CSMD3: variants seen among roughly 807,000 people sequenced by gnomAD.
CSMD3 encodes CUB and Sushi multiple domains 3.
In CSMD3, 177 loss-of-function variants were observed where a neutral mutation model predicts 435.2. That is an observed-to-expected ratio of 0.41 (90% CI 0.36 to 0.46). The LOEUF (loss-of-function observed/expected upper bound fraction) is 0.46. Ranked by LOEUF, CSMD3 falls within the 20% of genes least tolerant of loss-of-function variation. The pLI is 0.34. For synonymous variants in CSMD3, 1,656 were observed against 1,520.5 expected, an observed-to-expected ratio of 1.09 and a Z score of -2.07; for missense variants, 4,265 against 4,504.6, an observed-to-expected ratio of 0.95 and a Z score of 1.52.
chr8:112,494,415 C>CTTTTCTTTTG (rs781043534), intron 30 of CSMD3, among the ~76,000 whole-genome samples: 1 of 149,448 alleles, frequency 6.7e-6, no homozygotes, highest in African/African-American at 2.5e-5. Context: ...CTTTTCTTTT[C>CTTTTCTTTTG]TTTCTTTCTC....
At chr8:112,335,495 A>T (rs768817651) in intron 44 of CSMD3, 21 bp from the exon 45 acceptor site, 2 of 1,611,646 alleles carry the variant, frequency 1.2e-6, no homozygotes, top group Non-Finnish European at 1.7e-6. Flanking sequence ...AGGATTGGGA[A>T]AGGAGGAGAG....
At chr8:113,345,853 G>A (rs1171867211) in intron 1 of CSMD3, among the ~76,000 whole-genome samples, 1 of 152,026 alleles carries the variant, frequency 6.6e-6, no homozygotes. Flanking sequence ...GCTGAACTGG[G>A]ATGGGAATTC....
intron 5 of CSMD3, among the ~76,000 whole-genome samples, chr8:113,076,606 T>C (rs978398797): frequency 6.6e-6 from 1 of 152,126 alleles, no homozygotes; most frequent in Admixed American, 6.5e-5. Context: ...TATCACATTA[T>C]ACATATTAGA....
chr8:113,075,416 T>A (rs1216732130), intron 5 of CSMD3, among the ~76,000 whole-genome samples: 1 of 151,902 alleles, frequency 6.6e-6, no homozygotes, highest in Non-Finnish European at 1.5e-5. Flanking sequence ...TTGGCCTTAA[T>A]TTTTTCATCT....
intron 5 of CSMD3, among the ~76,000 whole-genome samples, chr8:113,041,865 T>C (rs1400328111): frequency 6.6e-6 from 1 of 152,188 alleles, no homozygotes; most frequent in Non-Finnish European, 1.5e-5. Flanking sequence ...CAGTCTGAGA[T>C]ATATTTTGCT....
intron 6 of CSMD3, among the ~76,000 whole-genome samples, chr8:112,976,801 A>G (rs2084865173): frequency 6.6e-6 from 1 of 152,090 alleles, no homozygotes; most frequent in South Asian, 2.1e-4. Flanking sequence ...ATTTTAGTTT[A>G]ACCAATTCTG....
At chr8:113,281,624 T>C (rs2093613560) in intron 2 of CSMD3, among the ~76,000 whole-genome samples, 1 of 151,970 alleles carries the variant, frequency 6.6e-6, no homozygotes, top group African/African-American at 2.4e-5. Context: ...CAGTTATGTA[T>C]CTTTTAAGTG....
At chr8:113,004,228 A>T (rs1356967603) in intron 6 of CSMD3, among the ~76,000 whole-genome samples, 1 of 152,046 alleles carries the variant, frequency 6.6e-6, no homozygotes, top group African/African-American at 2.4e-5. Flanking sequence ...TGTCCCATTT[A>T]GATTCAGATT....
intron 10 of CSMD3, among the ~76,000 whole-genome samples, chr8:112,902,645 T>C (rs1472412979): frequency 6.6e-6 from 1 of 151,264 alleles, no homozygotes; most frequent in Non-Finnish European, 1.5e-5. Flanking sequence ...GCAGAATTCA[T>C]TCTTATATCT....
intron 30 of CSMD3, among the ~76,000 whole-genome samples, chr8:112,501,086 G>C (rs1215864851): frequency 6.6e-6 from 1 of 151,832 alleles, no homozygotes; most frequent in Non-Finnish European, 1.5e-5. Flanking sequence ...GAAACAGAGA[G>C]AGCTGTCCTC....
At chr8:113,266,508 T>C (rs2093472812) in intron 3 of CSMD3, among the ~76,000 whole-genome samples, 1 of 151,548 alleles carries the variant, frequency 6.6e-6, no homozygotes, top group South Asian at 2.1e-4. Context: ...AGTTCTCAAA[T>C]GTAAGACATT....
At chr8:113,059,060 T>C (rs2024268475) in intron 5 of CSMD3, among the ~76,000 whole-genome samples, 1 of 152,128 alleles carries the variant, frequency 6.6e-6, no homozygotes, top group Non-Finnish European at 1.5e-5. Flanking sequence ...CATTAATGTT[T>C]TATTATACAT....
At chr8:112,310,529 C>A in intron 50 of CSMD3, 1 of 223,310 alleles carries the variant, frequency 4.5e-6, no homozygotes, top group South Asian at 6.6e-5. Flanking sequence ...AAAAAATATC[C>A]AGGTGGTGGG....
chr8:113,068,684 A>G (rs190508403), intron 5 of CSMD3, among the ~76,000 whole-genome samples: 1 of 152,262 alleles, frequency 6.6e-6, no homozygotes, highest in East Asian at 1.9e-4. Context: ...AAAGCTCCCT[A>G]TTATACCTAA....
chr8:113,230,200 C>G (rs1293410699), intron 3 of CSMD3, among the ~76,000 whole-genome samples: 1 of 151,586 alleles, frequency 6.6e-6, no homozygotes, highest in Non-Finnish European at 1.5e-5. Flanking sequence ...TCTCAATTGC[C>G]AGATGTTTTA....
At chr8:113,363,573 T>C (rs576428897) in intron 1 of CSMD3, among the ~76,000 whole-genome samples, 2 of 152,272 alleles carry the variant, frequency 1.3e-5, no homozygotes, top group South Asian at 4.1e-4. Context: ...TTCTAGTTTC[T>C]GGTGGCTGCT....
At chr8:112,560,671 A>T (rs1312898771) in intron 24 of CSMD3, among the ~76,000 whole-genome samples, 1 of 151,770 alleles carries the variant, frequency 6.6e-6, no homozygotes, top group Non-Finnish European at 1.5e-5. Flanking sequence ...ATATATAATG[A>T]AATGCAATGA....
intron 6 of CSMD3, among the ~76,000 whole-genome samples, chr8:113,003,583 A>G (rs1323380235): frequency 6.6e-6 from 1 of 152,120 alleles, no homozygotes. Context: ...AGAAACCAAA[A>G]TAGGCCCTGA....
At chr8:112,426,733 T>C (rs1813104751) in intron 32 of CSMD3, among the ~76,000 whole-genome samples, 1 of 152,208 alleles carries the variant, frequency 6.6e-6, no homozygotes, top group Non-Finnish European at 1.5e-5. Flanking sequence ...ATTTTGAAAT[T>C]CTGACTTACA....
Sources: allele counts gnomAD v4.1 joint callset (sites outside exome capture counted in the v4.1 genomes callset), GRCh38; gene constraint gnomAD v4.1.1; transcripts MANE v1.5; gene names NCBI Gene and HGNC (gene_info 2026-07-23, HGNC 2026-07-21).